P2RX3: variants seen among roughly 807,000 people sequenced by gnomAD.
P2RX3 encodes P2X purinoceptor 3.
In P2RX3, 41 loss-of-function variants were observed where a neutral mutation model predicts 51.5. That is an observed-to-expected ratio of 0.80 (90% confidence interval 0.62 to 1.03). P2RX3 has a LOEUF of 1.03. P2RX3 is among the 50% of genes least tolerant of loss of function. P2RX3 has a pLI of 0.00. For missense variants in P2RX3, 459 were observed against 522.1 expected (o/e 0.88, Z 1.18); for synonymous variants, 185 against 191.6 (o/e 0.97, Z 0.29).
intron 8 of P2RX3, among the ~76,000 whole-genome samples, chr11:57,365,176 G>A (rs910534736): frequency 2.4e-4 from 37 of 152,228 alleles, no homozygotes; most frequent in African/African-American, 8.7e-4. Flanking sequence ...TAAAGTGGGA[G>A]TGGTCAGGGT....
At chr11:57,369,252 C>A in intron 10 of P2RX3, 109 bp from the exon 11 acceptor site, 1 of 871,296 alleles carries the variant, frequency 1.1e-6, no homozygotes, top group South Asian at 1.5e-5. Flanking sequence ...ATGTCCTGCC[C>A]ACTGTTTAGG....
At chr11:57,336,644 G>A (rs1265444308), upstream of P2RX3, among the ~76,000 whole-genome samples, 1 of 152,188 alleles carries the variant, frequency 6.6e-6, no homozygotes, top group Non-Finnish European at 1.5e-5. Flanking sequence ...TGGCAACAAG[G>A]CTAGGTAGGA....
intron 5 of P2RX3, 73 bp downstream of exon 5, chr11:57,348,336 G>A (rs951475981): frequency 4.8e-5 from 65 of 1,354,218 alleles, no homozygotes; most frequent in Non-Finnish European, 5.5e-5. Flanking sequence ...GGAGCCGTGC[G>A]TCTCTGAGCT....
At chr11:57,368,125 T>A in intron 9 of P2RX3, 23 bp downstream of exon 9, 1 of 1,608,808 alleles carries the variant, frequency 6.2e-7, no homozygotes, top group Non-Finnish European at 8.5e-7. Flanking sequence ...GCCAGGCAGA[T>A]GGGGTGGACA....
chr11:57,344,689 T>A (rs1009280429), intron 1 of P2RX3, among the ~76,000 whole-genome samples: 1 of 152,100 alleles, frequency 6.6e-6, no homozygotes, highest in Non-Finnish European at 1.5e-5. Context: ...ACACTCTGTC[T>A]CAAATAATAA....
At chr11:57,343,085 C>T (rs1449540762) in intron 1 of P2RX3, among the ~76,000 whole-genome samples, 1 of 152,228 alleles carries the variant, frequency 6.6e-6, no homozygotes, top group Non-Finnish European at 1.5e-5. Flanking sequence ...CCAGAGACAG[C>T]CTCAGCCCCT....
chr11:57,359,716 C>G (rs146916940), intron 8 of P2RX3, among the ~76,000 whole-genome samples: 233 of 152,342 alleles, frequency 1.5e-3, no homozygotes, highest in African/African-American at 5.5e-3. Context: ...TTTGGCTCCT[C>G]TCTTAGGGAG....
intron 4 of P2RX3, 138 bp downstream of exon 4, chr11:57,347,616 C>T: frequency 1.1e-6 from 1 of 945,488 alleles, no homozygotes; most frequent in South Asian, 1.5e-5. Flanking sequence ...CCCTGGGTGC[C>T]ACACCCAGTG....
intron 8 of P2RX3, among the ~76,000 whole-genome samples, chr11:57,363,063 T>C (rs976143271): frequency 3.3e-5 from 5 of 152,198 alleles, no homozygotes; most frequent in African/African-American, 1.2e-4. Flanking sequence ...AATTTTTCAG[T>C]TGAAGTAAAA....
At position 57,350,795 on chromosome 11, in the gene P2RX3, T is replaced by A; in HGVS notation, c.739T>A (p.Cys247Ser). The change falls in exon 8 of 12, where the codon TGC becomes AGC. Residue 247 changes from cysteine to serine, a missense_variant. By Grantham distance (112) the Cys-to-Ser change is moderately radical (BLOSUM62 -1). Transcript: ENST00000263314. The stretch of plus-strand genomic sequence containing the variant: ...TCTGGGCATTAAGATCGGCTGGGTG[T>A]GCGACTTGGACAAGGCCTGGGACCA... The part of the protein sequence containing the change: ...GVLGIKIGWV[C>S]DLDKAWDQCI... 6.2e-7 allele frequency: 1 copy of A among 1,613,822 alleles called. No individual in the cohort carries two copies. Among genetic ancestry groups the A allele is most frequent in the South Asian group, 1.1e-5 (1 of 91,040 alleles).
At chr11:57,362,997 A>G (rs1856744157) in intron 8 of P2RX3, among the ~76,000 whole-genome samples, 1 of 152,188 alleles carries the variant, frequency 6.6e-6, no homozygotes, top group South Asian at 2.1e-4. Flanking sequence ...TGTTTTAAGC[A>G]CGGACTATAT....
chr11:57,346,947 G>A (rs190834967), intron 2 of P2RX3, among the ~76,000 whole-genome samples, 169 bp from the exon 3 acceptor site: 1 of 152,190 alleles, frequency 6.6e-6, no homozygotes, highest in South Asian at 2.1e-4. Flanking sequence ...GGGCCATGTG[G>A]GTGGCTGCAA....
At chr11:57,359,763 C>T (rs1232026006) in intron 8 of P2RX3, among the ~76,000 whole-genome samples, 1 of 152,190 alleles carries the variant, frequency 6.6e-6, no homozygotes, top group African/African-American at 2.4e-5. Context: ...AGTCAAGCAG[C>T]CAGATTTCAG....
At chr11:57,350,648 C>A in intron 7 of P2RX3, 114 bp from the exon 8 acceptor site, 1 of 1,427,224 alleles carries the variant, frequency 7.0e-7, no homozygotes, top group Non-Finnish European at 9.6e-7. Context: ...CTCCGTCTCC[C>A]ACCTGGAGGA....
Position 57,348,269 on chromosome 11 carries a change from G to C in P2RX3, c.485+6G>C, listed in dbSNP as rs1815768. On this transcript the variant is annotated splice_donor_region_variant and intron_variant, in intron 5 of 11. Transcript: ENST00000263314. ...GAGGTGGACACAGTGGAAACGTAAG[G>C]CTCCAAGCCAGACAGGAGGAGACAG... is the stretch of plus-strand genomic sequence containing the variant. 11,208 of 1,595,428 alleles carry C rather than the reference G, an allele frequency of 7.0e-3. 695 individuals are homozygous for C. In the African/African-American group the frequency reaches 0.13, roughly 19 times the overall value.
intron 8 of P2RX3, among the ~76,000 whole-genome samples, chr11:57,360,750 G>A (rs529197057): frequency 1.2e-4 from 18 of 146,074 alleles, no homozygotes; most frequent in Admixed American, 6.6e-4. Context: ...AGCCGAGATC[G>A]CTCCACTGTG....
chr11:57,348,091 G>A, intron 4 of P2RX3, 79 bp from the exon 5 acceptor site: 2 of 1,289,628 alleles, frequency 1.6e-6, no homozygotes, highest in East Asian at 5.3e-5. Context: ...TCCCTGATGG[G>A]GGGAAGGGAA....
chr11:57,338,610 C>A lies in P2RX3; in HGVS notation c.60C>A (p.Ser20Arg). 1.3e-6 allele frequency: 2 copies of A among 1,598,270 alleles called. No homozygotes were observed. The highest frequency in any genetic ancestry group is 1.7e-6 in the Non-Finnish European group (2 of 1,166,986). ...CCACCAAGTCGGTGGTTGTGAAGAG[C>A]TGGACCATCGGGATCATCAACCGAG... Reference protein sequence around the residue: ...YETTKSVVVKSWTIGIINRVV... With the variant: ...YETTKSVVVKRWTIGIINRVV... The change falls in exon 1 of 12, where the codon AGC becomes AGA. Residue 20 changes from serine to arginine, a missense_variant. Transcript: ENST00000263314.
At chr11:57,352,666 T>C (rs990388064) in intron 8 of P2RX3, among the ~76,000 whole-genome samples, 9 of 152,196 alleles carry the variant, frequency 5.9e-5, no homozygotes, top group Admixed American at 5.9e-4. Flanking sequence ...TAAGAATTGG[T>C]CTGGAGTTCT....
Sources: gnomAD v4.1 joint callset for allele counts (sites outside exome capture counted in the v4.1 genomes callset) on GRCh38, gnomAD v4.1.1 for gene constraint, MANE v1.5 for transcripts, NCBI Gene and HGNC (gene_info 2026-07-23, HGNC 2026-07-21) for gene names.